Variants in TRAF3 observed in about 807,000 individuals in gnomAD.
TRAF3 encodes the protein TNF receptor-associated factor 3.
Under a neutral mutation model 62.3 loss-of-function variants are expected in TRAF3, and 13 were observed. The observed-to-expected ratio is 0.21, with a 90% CI of 0.14 to 0.33. The LOEUF (loss-of-function observed/expected upper bound fraction) is 0.33. Among genes scored for constraint, TRAF3 ranks in the 10% least tolerant of loss-of-function variants. The pLI is 1.00. For synonymous variants in TRAF3, 269 were observed against 283.4 expected, an observed-to-expected ratio of 0.95 and a Z score of 0.51; for missense variants, 440 against 741.8, an observed-to-expected ratio of 0.59 and a Z score of 4.73.
At chr14:102,813,281 T>C (rs1236533050) in intron 1 of TRAF3, among the ~76,000 whole-genome samples, 1 of 151,970 alleles carries the variant, frequency 6.6e-6, no homozygotes, top group African/African-American at 2.4e-5. Context: ...GGCCTGTATT[T>C]TTGATAATAG....
intron 4 of TRAF3, among the ~76,000 whole-genome samples, chr14:102,874,128 G>A (rs142645335): frequency 4.0e-4 from 61 of 151,080 alleles, no homozygotes; most frequent in African/African-American, 1.4e-3. Context: ...ACCTGGGCTT[G>A]GAGGCATGCG....
At chr14:102,870,021 T>C (rs1055373686) in intron 2 of TRAF3, among the ~76,000 whole-genome samples, 164 bp from the exon 3 acceptor site, 1 of 152,072 alleles carries the variant, frequency 6.6e-6, no homozygotes, top group African/African-American at 2.4e-5. Context: ...GATGGAAGCA[T>C]ATTTGATCAT....
intron 9 of TRAF3, among the ~76,000 whole-genome samples, chr14:102,891,977 C>T (rs978464713): frequency 4.0e-5 from 6 of 151,604 alleles, no homozygotes; most frequent in African/African-American, 1.5e-4. Flanking sequence ...TGTCATTTGA[C>T]ACCTTGTGAA....
chr14:102,797,114 A>C (rs1898136401), intron 1 of TRAF3, among the ~76,000 whole-genome samples: 1 of 152,200 alleles, frequency 6.6e-6, no homozygotes, highest in African/African-American at 2.4e-5. Flanking sequence ...CACAGTTGAA[A>C]ACGTGCCCTT....
At position 102,905,710 on chromosome 14, in the gene TRAF3, A is replaced by G; in HGVS notation, c.1633A>G (p.Asn545Asp). Residue 545 changes from asparagine to aspartate, a missense_variant, in exon 12 of 12, where the codon AAT (asparagine) becomes GAT (aspartate). Around this residue, in one of 6 missense-constraint regions of TRAF3, gnomAD observed 59 missense variants for 120.9 expected, o/e 0.49. Coordinates refer to ENST00000392745, the MANE Select transcript of TRAF3 (RefSeq NM_145725.3). ...PVFVAQTVLE[N>D]GTYIKDDTIF... Reference sequence around the variant, plus strand: ...CTTTGTGGCCCAAACTGTTCTAGAAAATGGGACATATATTAAAGATGATAC... The same window carrying G: ...CTTTGTGGCCCAAACTGTTCTAGAAGATGGGACATATATTAAAGATGATAC... The G allele has an allele frequency of 6.2e-7, 1 of 1,612,448 alleles. No individual in the cohort carries two copies. The highest frequency in any genetic ancestry group is 8.5e-7 in the Non-Finnish European group (1 of 1,178,782).
chr14:102,861,442 T>G (rs933083719), intron 2 of TRAF3, among the ~76,000 whole-genome samples: 10 of 152,168 alleles, frequency 6.6e-5, no homozygotes, highest in African/African-American at 2.4e-4. Flanking sequence ...TGCCTTTTAT[T>G]AACAGGCACC....
chr14:102,842,048 T>C (rs77933209), intron 2 of TRAF3, among the ~76,000 whole-genome samples: 36 of 151,662 alleles, frequency 2.4e-4, no homozygotes, highest in African/African-American at 8.2e-4. Context: ...AGTTGAAGAG[T>C]AGCCTGGCCA....
At chr14:102,798,967 A>C (rs1315764817) in intron 1 of TRAF3, among the ~76,000 whole-genome samples, 1 of 152,254 alleles carries the variant, frequency 6.6e-6, no homozygotes, top group Admixed American at 6.5e-5. Context: ...AGTAATTATC[A>C]AAAGCTAATA....
intron 2 of TRAF3, among the ~76,000 whole-genome samples, chr14:102,866,210 T>A (rs1027557951): frequency 2.0e-5 from 3 of 152,158 alleles, no homozygotes; most frequent in African/African-American, 7.2e-5. Flanking sequence ...TTCTCACTCG[T>A]AAGTGGGAGT....
chr14:102,870,575 G>C, intron 3 of TRAF3, 129 bp downstream of exon 3: 1 of 1,305,836 alleles, frequency 7.7e-7, no homozygotes, highest in Non-Finnish European at 1.0e-6. Context: ...AAAAGCCTCC[G>C]GGCCCAGCTT....
chr14:102,808,889 C>G (rs1242829347), intron 1 of TRAF3: 3 of 151,860 alleles, frequency 2.0e-5, no homozygotes, highest in East Asian at 3.9e-4. Flanking sequence ...GATCTCAGCT[C>G]ACTGCAGCCT....
intron 1 of TRAF3, among the ~76,000 whole-genome samples, chr14:102,784,386 C>G (rs1202591407): frequency 1.3e-5 from 2 of 152,022 alleles, no homozygotes; most frequent in African/African-American, 4.8e-5. Flanking sequence ...CCTCGCCTGG[C>G]TAATTTTTGT....
intron 2 of TRAF3, among the ~76,000 whole-genome samples, chr14:102,869,084 C>T (rs1888174745): frequency 6.6e-6 from 1 of 152,242 alleles, no homozygotes; most frequent in Non-Finnish European, 1.5e-5. Context: ...TGAACCCGAG[C>T]CCCCTCATGC....
At chr14:102,799,399 C>T (rs1726966684) in intron 1 of TRAF3, among the ~76,000 whole-genome samples, 2 of 152,182 alleles carry the variant, frequency 1.3e-5, no homozygotes, top group South Asian at 4.1e-4. Context: ...AATTCATTCC[C>T]ACAGTGTAGC....
rs56998347 is a variant in TRAF3, at chr14:102,839,210, C to CTTTTT, written c.-18+8762_-18+8766dup. ...GAGAGATGCTTATTGGTTGATTTGC[C>CTTTTT]TTTTTTTTTTTTTTTTTTTTTTTTT... On this transcript the variant is annotated intron_variant, in intron 2 of 11. Coordinates refer to ENST00000392745, the MANE Select transcript of TRAF3 (RefSeq NM_145725.3). Among the ~76,000 whole-genome samples, 173 of 89,814 alleles carry CTTTTT rather than the reference C, an allele frequency of 1.9e-3. 12 individuals are homozygous for CTTTTT. Among genetic ancestry groups the CTTTTT allele is most frequent in the African/African-American group, 7.1e-3 (161 of 22,578 alleles). The allele number at this position is 89,814 out of a possible 152,430, so 58.9% of individuals were successfully genotyped here.
chr14:102,858,148 GTTC>G (rs1309644976), intron 2 of TRAF3, among the ~76,000 whole-genome samples: 13 of 144,642 alleles, frequency 9.0e-5, no homozygotes, highest in African/African-American at 2.1e-4. Context: ...AAGAACCTCT[GTTC>G]TTCTTTTTTT....
chr14:102,838,227 C>G (rs542855381), intron 2 of TRAF3, among the ~76,000 whole-genome samples: 1 of 152,308 alleles, frequency 6.6e-6, no homozygotes, highest in African/African-American at 2.4e-5. Flanking sequence ...AGACCAAATG[C>G]ATACTGTGTG....
Position 102,785,768 on chromosome 14 carries a change from G to C in TRAF3, c.-157+8093G>C, listed in dbSNP as rs75501971. On this transcript the variant is annotated intron_variant, in intron 1 of 11. Transcript: ENST00000392745. ...AGGAGGGGTCAGTGGTGGCTGAGCA[G>C]AGATGTAGGGGCTTGTTTCATGGCC... 3.3e-5 allele frequency among the ~76,000 whole-genome samples: 5 copies of C among 152,320 alleles called. No homozygotes were observed. The East Asian group carries it at 9.6e-4, about 29-fold the overall frequency.
intron 2 of TRAF3, among the ~76,000 whole-genome samples, chr14:102,863,071 A>G (rs1265020348): frequency 1.3e-5 from 2 of 152,198 alleles, no homozygotes; most frequent in African/African-American, 2.4e-5. Context: ...TTAAAATAGC[A>G]TATTTAAAGT....
Sources: gnomAD v4.1 joint callset for allele counts (sites outside exome capture counted in the v4.1 genomes callset) on GRCh38, gnomAD v4.1.1 for gene constraint, gnomAD v4.1.1 regional missense constraint, MANE v1.5 for transcripts, NCBI Gene and HGNC (gene_info 2026-07-23, HGNC 2026-07-21) for gene names.